Variants in NR6A1 observed in about 807,000 individuals in gnomAD.
NR6A1 encodes retinoic acid receptor-related testis-associated receptor.
In NR6A1, 7 loss-of-function variants were observed where a neutral mutation model predicts 59.1. The observed-to-expected ratio is 0.12, with a 90% CI of 0.07 to 0.22. The LOEUF (loss-of-function observed/expected upper bound fraction) is 0.22, where lower values mean the gene tolerates loss of function less well. Ranked by LOEUF, NR6A1 falls within the 10% of genes least tolerant of loss-of-function variation. The probability of loss-of-function intolerance (pLI) is 1.00; values close to 1 mark genes in which losing one functional copy is unlikely to be tolerated. For synonymous variants in NR6A1, 243 were observed against 236.1 expected (o/e 1.03, Z -0.27); for missense variants, 468 against 611.6 (o/e 0.77, Z 2.48).
intron 2 of NR6A1, among the ~76,000 whole-genome samples, chr9:124,625,967 G>C (rs1008260719): frequency 2.0e-5 from 3 of 152,126 alleles, no homozygotes; most frequent in Admixed American, 1.3e-4. Flanking sequence ...GCTTTCTTGG[G>C]TCTCCAACTG....
chr9:124,532,899 GACGGT>G (rs1374991306), intron 7 of NR6A1, among the ~76,000 whole-genome samples: 1 of 152,202 alleles, frequency 6.6e-6, no homozygotes. Flanking sequence ...TACTGTAGTG[GACGGT>G]ACAGCTTTAG....
At chr9:124,690,087 A>G (rs1164562987) in intron 2 of NR6A1, among the ~76,000 whole-genome samples, 1 of 152,172 alleles carries the variant, frequency 6.6e-6, no homozygotes, top group Non-Finnish European at 1.5e-5. Context: ...TAACTTAAGA[A>G]TTTATCCTCA....
intron 2 of NR6A1, among the ~76,000 whole-genome samples, chr9:124,612,084 T>C (rs78057838): frequency 2.0e-4 from 30 of 152,318 alleles, no homozygotes; most frequent in African/African-American, 6.7e-4. Flanking sequence ...GAGAAAGTGA[T>C]AGCTGAGCTG....
chr9:124,667,716 T>C (rs1249954664), intron 2 of NR6A1, among the ~76,000 whole-genome samples: 1 of 152,220 alleles, frequency 6.6e-6, no homozygotes, highest in Non-Finnish European at 1.5e-5. Flanking sequence ...AAGACTATTA[T>C]AAAAGCCTCA....
At chr9:124,589,543 A>T (rs944398464) in intron 2 of NR6A1, among the ~76,000 whole-genome samples, 1 of 152,360 alleles carries the variant, frequency 6.6e-6, no homozygotes, top group Non-Finnish European at 1.5e-5. Flanking sequence ...GACCAAGGCC[A>T]AGACTTGATG....
At chr9:124,639,247 T>C (rs1377980532) in intron 2 of NR6A1, among the ~76,000 whole-genome samples, 1 of 152,204 alleles carries the variant, frequency 6.6e-6, no homozygotes, top group Non-Finnish European at 1.5e-5. Flanking sequence ...TCTGACTCCA[T>C]AGCTCATACA....
At chr9:124,762,831 A>G (rs1336440309) in intron 1 of NR6A1, among the ~76,000 whole-genome samples, 4 of 152,192 alleles carry the variant, frequency 2.6e-5, no homozygotes, top group Non-Finnish European at 5.9e-5. Context: ...TTCATCATCC[A>G]TCTCATCAGA....
At chr9:124,662,894 T>G (rs1837489037) in intron 2 of NR6A1, among the ~76,000 whole-genome samples, 1 of 152,214 alleles carries the variant, frequency 6.6e-6, no homozygotes, top group Non-Finnish European at 1.5e-5. Flanking sequence ...AAGCAAATTT[T>G]TATCTGAGTA....
chr9:124,593,172 T>G (rs1192958799), intron 2 of NR6A1, among the ~76,000 whole-genome samples: 1 of 152,204 alleles, frequency 6.6e-6, no homozygotes, highest in Non-Finnish European at 1.5e-5. Flanking sequence ...CATTTAAAAA[T>G]CAAATCTACA....
At chr9:124,652,241 AC>A (rs1487384557) in intron 2 of NR6A1, among the ~76,000 whole-genome samples, 3 of 152,058 alleles carry the variant, frequency 2.0e-5, no homozygotes, top group African/African-American at 7.2e-5. Context: ...CTCTGATATA[AC>A]CTATTATTTC....
intron 2 of NR6A1, among the ~76,000 whole-genome samples, chr9:124,705,719 T>A (rs551669670): frequency 6.6e-6 from 1 of 152,272 alleles, no homozygotes; most frequent in East Asian, 1.9e-4. Context: ...TTTTTTAACC[T>A]CTGCTTCTAT....
chr9:124,748,928 C>T (rs1360473141), intron 1 of NR6A1, among the ~76,000 whole-genome samples: 1 of 150,464 alleles, frequency 6.6e-6, no homozygotes, highest in Non-Finnish European at 1.5e-5. Context: ...AATATAAGTA[C>T]TCAAAACAGT....
intron 2 of NR6A1, among the ~76,000 whole-genome samples, chr9:124,682,046 G>C (rs1354566208): frequency 6.6e-6 from 1 of 152,030 alleles, no homozygotes; most frequent in Non-Finnish European, 1.5e-5. Context: ...CCAGGCTGGA[G>C]TGCAATGACA....
intron 1 of NR6A1, among the ~76,000 whole-genome samples, chr9:124,740,596 A>G (rs1217226209): frequency 2.0e-5 from 3 of 152,198 alleles, no homozygotes; most frequent in Admixed American, 2.0e-4. Context: ...CACCACAACC[A>G]TATCATGATC....
chr9:124,548,966 A>G (rs1054844892), intron 3 of NR6A1, among the ~76,000 whole-genome samples: 2 of 152,154 alleles, frequency 1.3e-5, no homozygotes, highest in East Asian at 1.9e-4. Context: ...GGAGCATCCT[A>G]TCACTACTGA....
In NR6A1 at chr9:124,750,842, A is replaced by G. The variant is rs543574591; in HGVS notation, c.101-17493T>C. Among the ~76,000 whole-genome samples, 174 of 152,312 alleles carry G rather than the reference A, an allele frequency of 1.1e-3. 1 individual carries two copies. Among genetic ancestry groups the G allele is most frequent in the African/African-American group, 3.8e-3 (158 of 41,568 alleles). The stretch of plus-strand genomic sequence containing the variant: ...AAGATTTTTAAACAAGCAATTTTCA[A>G]AGACCATACTTGTCTCCACGGCTAA... On this transcript the variant is annotated intron_variant, in intron 1 of 9. Transcript: ENST00000487099.
chr9:124,555,466 T>C (rs1388515113), intron 2 of NR6A1, among the ~76,000 whole-genome samples: 2 of 152,168 alleles, frequency 1.3e-5, no homozygotes, highest in East Asian at 1.9e-4. Flanking sequence ...AACATCGTTA[T>C]AGAGCCAGGC....
At chr9:124,591,615 C>G (rs1588693293) in intron 2 of NR6A1, among the ~76,000 whole-genome samples, 1 of 152,184 alleles carries the variant, frequency 6.6e-6, no homozygotes, top group Admixed American at 6.5e-5. Context: ...AACAATCCAT[C>G]GAGGCTCACC....
intron 2 of NR6A1, among the ~76,000 whole-genome samples, chr9:124,633,876 T>A (rs1262183753): frequency 6.6e-6 from 1 of 152,246 alleles, no homozygotes; most frequent in Non-Finnish European, 1.5e-5. Flanking sequence ...TGGTTGTTTT[T>A]TAAACACTTC....
Sources: allele counts gnomAD v4.1 joint callset (sites outside exome capture counted in the v4.1 genomes callset), GRCh38; gene constraint gnomAD v4.1.1; transcripts MANE v1.5; gene names NCBI Gene and HGNC (gene_info 2026-07-23, HGNC 2026-07-21).